TTF2: variants seen among roughly 807,000 people sequenced by gnomAD.
TTF2 encodes the protein transcription termination factor 2, also known as RNA polymerase II termination factor.
TTF2 carries 108 observed loss-of-function variants against 142.4 expected under a neutral mutation model. That is an observed-to-expected ratio of 0.76 (90% CI 0.65 to 0.89). The LOEUF is 0.89. Ranked by LOEUF, TTF2 falls within the 40% of genes least tolerant of loss-of-function variation. The probability of loss-of-function intolerance (pLI) is 0.00; values close to 1 mark genes in which losing one functional copy is unlikely to be tolerated. For synonymous variants in TTF2, 483 were observed against 506.2 expected, an observed-to-expected ratio of 0.95 and a Z score of 0.61; for missense variants, 1,327 against 1,379.8, an observed-to-expected ratio of 0.96 and a Z score of 0.61.
chr1:117,101,491 C>G lies in TTF2; in HGVS notation c.3456C>G (p.Thr1152=), dbSNP rs1649575976. Residue 1152 remains threonine (T), a synonymous_variant, in exon 23 of 23, where the codon ACC becomes ACG. Coordinates refer to ENST00000369466, the MANE Select transcript of TTF2 (RefSeq NM_003594.4). The surrounding 1 kb of genome is among the most constrained non-coding windows in gnomAD (Gnocchi z 5.9). ...CTGGAGAATCTGTCACCAAGCTCACCTTGGCTGACCTCAGAGTCCTTTTTG... is the reference window on the plus strand; with the variant it reads ...CTGGAGAATCTGTCACCAAGCTCACGTTGGCTGACCTCAGAGTCCTTTTTG... ...SGSGESVTKL[T]LADLRVLFGI is the part of the protein sequence containing the mutation. The G allele has an allele frequency of 6.2e-7, 1 of 1,601,056 alleles. No homozygotes were observed. The highest frequency in any genetic ancestry group is 1.4e-5 in the African/African-American group (1 of 73,982).
intron 10 of TTF2, among the ~76,000 whole-genome samples, chr1:117,083,798 CAAGAGG>C (rs1167276524): frequency 1.3e-5 from 2 of 152,112 alleles, no homozygotes; most frequent in East Asian, 1.9e-4. Context: ...TAAAGTCAGT[CAAGAGG>C]AAGAGGTAAT....
In TTF2 at chr1:117,076,592, C is replaced by A; in HGVS notation, c.1391-49C>A. 1 of 1,557,680 alleles carries A rather than the reference C, an allele frequency of 6.4e-7. No individual in the cohort carries two copies. The highest frequency in any genetic ancestry group is 8.7e-7 in the Non-Finnish European group (1 of 1,147,000). The stretch of plus-strand genomic sequence containing the variant: ...CTCACCTCCACACATATGGTCCCTT[C>A]ACTTAGTTTGCTGAACTTTAATCTG... On this transcript the variant is annotated intron_variant, in intron 6 of 22. Coordinates refer to ENST00000369466, the MANE Select transcript of TTF2 (RefSeq NM_003594.4). This position sits in a 1 kb window ranked among gnomAD's most constrained non-coding sequence, Gnocchi z 4.6.
chr1:117,064,076 CA>C (rs1655893808), intron 3 of TTF2, among the ~76,000 whole-genome samples: 1 of 152,222 alleles, frequency 6.6e-6, no homozygotes, highest in South Asian at 2.1e-4. Flanking sequence ...TGTCATTGCA[CA>C]ATTGTTACAT....
At position 117,063,079 on chromosome 1, in the gene TTF2, G is replaced by A. The variant is rs374948678; in HGVS notation, c.218+606G>A. On this transcript the variant is annotated intron_variant, in intron 3 of 22. Coordinates refer to ENST00000369466, the MANE Select transcript of TTF2 (RefSeq NM_003594.4). The surrounding 1 kb of genome is among the most constrained non-coding windows in gnomAD (Gnocchi z 4.1). ...ATATCTTTAAACAGAGACTTTAGGC[G>A]ATAAGGCTGGCCAGGAAGGTAGGGG... is the stretch of plus-strand genomic sequence containing the variant. Among the ~76,000 whole-genome samples the A allele has an allele frequency of 3.3e-5, 5 of 152,178 alleles. No individual in the cohort carries two copies. The South Asian group carries it at 6.2e-4, about 19-fold the overall frequency.
chr1:117,078,452 C>T (rs763512553), intron 8 of TTF2, among the ~76,000 whole-genome samples: 11 of 152,234 alleles, frequency 7.2e-5, no homozygotes, highest in Non-Finnish European at 1.3e-4. Flanking sequence ...GGAAACATCA[C>T]TCTAGGTCAG....
rs756831695 is a variant in TTF2 at position 117,104,334 on chromosome 1, T to G, written c.*2810T>G. The G allele has an allele frequency of 1.3e-5, 2 of 152,238 alleles. No homozygotes were observed. Among genetic ancestry groups the G allele is most frequent in the Non-Finnish European group, 2.9e-5 (2 of 68,038 alleles). The allele number at this position is 152,238 out of a possible 1,614,324, so 9.4% of individuals were successfully genotyped here. A position where few individuals can be genotyped will look rare whatever the true frequency, so the allele number is the denominator to read the frequency against. On this transcript the variant is annotated 3_prime_UTR_variant, in exon 23 of 23. Transcript: ENST00000369466. Reference sequence around the variant, plus strand: ...AGCAAATATATATACTACAACATGGTTGACCAGATAGATCAGTAATGTCAA... The same window carrying G: ...AGCAAATATATATACTACAACATGGGTGACCAGATAGATCAGTAATGTCAA...
At chr1:117,095,257 T>C (rs1649013059) in intron 18 of TTF2, 52 bp from the exon 19 acceptor site, 5 of 1,586,254 alleles carry the variant, frequency 3.2e-6, no homozygotes, top group Non-Finnish European at 4.3e-6. Flanking sequence ...TGAGGGGAGA[T>C]GGAGAAAAGT....
Position 117,075,829 on chromosome 1 carries a change from C to T in TTF2, c.1245C>T (p.Val415=). The T allele has an allele frequency of 3.1e-6, 5 of 1,612,270 alleles. No individual in the cohort carries two copies. The highest frequency in any genetic ancestry group is 4.2e-6 in the Non-Finnish European group (5 of 1,179,374). The change falls in exon 5 of 23, where the codon GTC becomes GTT. Residue 415 remains valine (V), a synonymous_variant. Coordinates refer to ENST00000369466, the MANE Select transcript of TTF2 (RefSeq NM_003594.4). This position sits in a 1 kb window ranked among gnomAD's most constrained non-coding sequence, Gnocchi z 4.5. ...CCTCAGACCCAGTAGCCCGGCGTGT[C>T]TACCTTACAACACAACTGAAACAAA... ...VEPSDPVARR[V]YLTTQLKQKK... is the part of the protein sequence containing the mutation.
rs2101105402 is a variant in TTF2, at chr1:117,087,529, G to C, written c.2160+1007G>C. On this transcript the variant is annotated intron_variant, in intron 12 of 22. Coordinates refer to ENST00000369466, the MANE Select transcript of TTF2 (RefSeq NM_003594.4). The surrounding 1 kb of genome is among the most constrained non-coding windows in gnomAD (Gnocchi z 4.8). The stretch of plus-strand genomic sequence containing the variant: ...GCTGGTCTCGAATTCCTGACCTCAA[G>C]TGATCCACCCGCCTCGGCCTCCCAA... 6.6e-6 allele frequency among the ~76,000 whole-genome samples: 1 copy of C among 152,268 alleles called. No individual in the cohort carries two copies. The highest frequency in any genetic ancestry group is 1.9e-4 in the East Asian group (1 of 5,176).
intron 20 of TTF2, 120 bp downstream of exon 20, chr1:117,096,419 C>T (rs1290375085): frequency 2.7e-5 from 34 of 1,278,604 alleles, no homozygotes; most frequent in Non-Finnish European, 3.6e-5. Context: ...CTCTTGTTGC[C>T]CAGGCTGGAC....
At chr1:117,060,896 C>A (rs1220166193) in intron 2 of TTF2, among the ~76,000 whole-genome samples, 1 of 152,218 alleles carries the variant, frequency 6.6e-6, no homozygotes, top group African/African-American at 2.4e-5. Flanking sequence ...GTCCCTCCCC[C>A]TTTAAAGGAG....
intron 11 of TTF2, among the ~76,000 whole-genome samples, chr1:117,084,968 C>CT (rs1473117217): frequency 2.6e-5 from 4 of 152,196 alleles, no homozygotes; most frequent in African/African-American, 9.7e-5. Flanking sequence ...GTTCTCATGA[C>CT]TGAGAGTCGC....
In TTF2 at chr1:117,105,996, G is replaced by C. The variant is rs948768899; in HGVS notation, c.*4472G>C. On this transcript the variant is annotated 3_prime_UTR_variant, in exon 23 of 23. Transcript: ENST00000369466. This position sits in a 1 kb window ranked among gnomAD's most constrained non-coding sequence, Gnocchi z 4.7. The stretch of plus-strand genomic sequence containing the variant: ...ACACCAGTGTTCAGTGTGGCCTCTG[G>C]TTGTCTGAAATTTTGCTGTCAACTC... The C allele has an allele frequency of 2.0e-5, 3 of 152,136 alleles. No homozygotes were observed. Among genetic ancestry groups the C allele is most frequent in the Non-Finnish European group, 2.9e-5 (2 of 68,022 alleles). The allele number at this position is 152,136 out of a possible 1,614,324, so 9.4% of individuals were successfully genotyped here. A position where few individuals can be genotyped will look rare whatever the true frequency, so the allele number is the denominator to read the frequency against.
Position 117,076,526 on chromosome 1 carries a change from G to C in TTF2, c.1391-115G>C. 8.2e-7 allele frequency: 1 copy of C among 1,213,596 alleles called. No individual in the cohort carries two copies. 75.2% of individuals were successfully genotyped at this position (1,213,596 alleles called of 1,614,324 possible). ...AACTGTTAAAATGCTACCTTCTCTA[G>C]GAATCCTTCATCGGAATGGTGATGA... On this transcript the variant is annotated intron_variant, in intron 6 of 22. Coordinates refer to ENST00000369466, the MANE Select transcript of TTF2 (RefSeq NM_003594.4). The surrounding 1 kb of genome is among the most constrained non-coding windows in gnomAD (Gnocchi z 4.6).
In TTF2 at chr1:117,076,342, A is replaced by G; in HGVS notation, c.1390+48A>G. On this transcript the variant is annotated intron_variant, in intron 6 of 22. Coordinates refer to ENST00000369466, the MANE Select transcript of TTF2 (RefSeq NM_003594.4). The surrounding 1 kb of genome is among the most constrained non-coding windows in gnomAD (Gnocchi z 4.6). ...ACTCCGGGTTTGCATCGACTTTACA[A>G]GAGACATTCGGGAAGCCCTTTTAAT... 6.8e-7 allele frequency: 1 copy of G among 1,469,786 alleles called. No individual in the cohort carries two copies. Among genetic ancestry groups the G allele is most frequent in the Non-Finnish European group, 9.4e-7 (1 of 1,064,090 alleles). The allele number at this position is 1,469,786 out of a possible 1,614,324, so 91.0% of individuals were successfully genotyped here.
intron 8 of TTF2, 74 bp downstream of exon 8, chr1:117,078,117 A>G: frequency 2.6e-6 from 4 of 1,554,948 alleles, no homozygotes; most frequent in Non-Finnish European, 3.5e-6. Flanking sequence ...GCTGGCAGAG[A>G]GACTTTCTGA....
intron 10 of TTF2, among the ~76,000 whole-genome samples, chr1:117,082,674 T>A (rs1475026014): frequency 1.3e-5 from 2 of 152,204 alleles, no homozygotes. Context: ...ATAGACACTT[T>A]CTATCTTAAC....
intron 19 of TTF2, among the ~76,000 whole-genome samples, chr1:117,095,883 G>T (rs1649089240): frequency 6.6e-6 from 1 of 152,088 alleles, no homozygotes; most frequent in Non-Finnish European, 1.5e-5. Context: ...AATGAAAGAA[G>T]GCTGGAGTCA....
chr1:117,075,708 C>T lies in TTF2; in HGVS notation c.1124C>T (p.Thr375Ile). The change falls in exon 5 of 23, where the codon ACT (threonine) becomes ATT (isoleucine). Residue 375 changes from threonine (T) to isoleucine (I), a missense_variant. Thr to Ile is a moderately conservative substitution (Grantham distance 89, BLOSUM62 -1). Transcript: ENST00000369466. This position sits in a 1 kb window ranked among gnomAD's most constrained non-coding sequence, Gnocchi z 4.5. ...KPGSPLLFDS[T>I]LDLETKENLQ... ...GGGAGCCCCCTACTCTTTGACTCGA[C>T]TCTGGACTTAGAGACGAAGGAAAAC... 1 of 1,614,190 alleles carries T rather than the reference C, an allele frequency of 6.2e-7. No individual in the cohort carries two copies. The highest frequency in any genetic ancestry group is 8.5e-7 in the Non-Finnish European group (1 of 1,180,034).
Sources: gnomAD v4.1 joint callset for allele counts (sites outside exome capture counted in the v4.1 genomes callset) on GRCh38, gnomAD v4.1.1 for gene constraint, Gnocchi (gnomAD v3.1) non-coding constraint, MANE v1.5 for transcripts, NCBI Gene and HGNC (gene_info 2026-07-23, HGNC 2026-07-21) for gene names.